Variants in ZNF566 observed in about 807,000 individuals in gnomAD.
The protein encoded by ZNF566 is zinc finger protein 566.
A neutral mutation model predicts 32.8 loss-of-function variants in ZNF566; 27 were observed. That is an observed-to-expected ratio of 0.82 (90% CI 0.61 to 1.14). The LOEUF (loss-of-function observed/expected upper bound fraction) is 1.14, where lower values mean the gene tolerates loss of function less well. Ranked by LOEUF, ZNF566 falls within the 50% of genes most tolerant of loss-of-function variation. The pLI, the probability that ZNF566 is intolerant of heterozygous loss-of-function variation, is 0.00. For synonymous variants in ZNF566, 154 were observed against 159.5 expected, an observed-to-expected ratio of 0.97 and a Z score of 0.26; for missense variants, 402 against 490.4, an observed-to-expected ratio of 0.82 and a Z score of 1.70.
rs371684071 is a variant in ZNF566 at position 36,453,505 on chromosome 19, AAATT to A, written c.233-3508_233-3505del. On this transcript the variant is annotated intron_variant, in intron 4 of 4. Coordinates refer to ENST00000452939, the MANE Select transcript of ZNF566 (RefSeq NM_001145344.1). ...TAAATAAATAAATAAATAAATAAATAAATTAATTAATTAAAATAAAATAAAAATA... is the reference window on the plus strand; with the variant it reads ...TAAATAAATAAATAAATAAATAAATAAATTAATTAAAATAAAATAAAAATA... 2.4e-3 allele frequency among the ~76,000 whole-genome samples: 243 copies of A among 99,792 alleles called. 1 individual carries two copies. The highest frequency in any genetic ancestry group is 0.012 in the East Asian group (47 of 3,950). 65.5% of individuals were successfully genotyped at this position (99,792 alleles called of 152,430 possible). A position where few individuals can be genotyped will look rare whatever the true frequency, so the allele number is the denominator to read the frequency against.
At chr19:36,472,501 T>A (rs2033788789) in intron 4 of ZNF566, among the ~76,000 whole-genome samples, 1 of 152,168 alleles carries the variant, frequency 6.6e-6, no homozygotes. Flanking sequence ...AATGAATCAA[T>A]GAGGGCATAA....
intron 1 of ZNF566, 57 bp downstream of exon 1, chr19:36,489,429 A>G: frequency 3.3e-6 from 1 of 300,930 alleles, no homozygotes; most frequent in South Asian, 2.9e-5. Context: ...CGCCGCACAA[A>G]GCCGAGGCTT....
At chr19:36,470,016 C>G (rs1413702240) in intron 4 of ZNF566, among the ~76,000 whole-genome samples, 4 of 152,158 alleles carry the variant, frequency 2.6e-5, no homozygotes, top group Admixed American at 2.6e-4. Context: ...ACTTTTCTTC[C>G]TGAGTTCCTG....
chr19:36,457,634 G>A (rs1479364294), intron 4 of ZNF566, among the ~76,000 whole-genome samples: 2 of 152,184 alleles, frequency 1.3e-5, no homozygotes, highest in Admixed American at 6.5e-5. Flanking sequence ...GCTCAGGCCT[G>A]TAATCCCAGC....
At chr19:36,455,943 GC>G (rs1341190167) in intron 4 of ZNF566, among the ~76,000 whole-genome samples, 1 of 151,520 alleles carries the variant, frequency 6.6e-6, no homozygotes, top group Admixed American at 6.6e-5. Context: ...GGAGACTGAG[GC>G]AGGAGAATGG....
At chr19:36,459,608 T>G (rs2033408320) in intron 4 of ZNF566, among the ~76,000 whole-genome samples, 1 of 151,712 alleles carries the variant, frequency 6.6e-6, no homozygotes, top group African/African-American at 2.4e-5. Context: ...CCTTCCAGGT[T>G]CAAGCGATTC....
chr19:36,449,616 C>A lies in ZNF566; in HGVS notation c.618G>T (p.Lys206Asn), dbSNP rs201489745. ...TGAGTCTTGAGGGATGTCTAAAGGA[C>A]TTTCCACATTCCTTACATTCATAAG... ...EKPYECKECG[K>N]SFRHPSRLTH... is the part of the protein sequence containing the mutation. Residue 206 changes from lysine (K) to asparagine (N), a missense_variant, in exon 5 of 5, where the codon AAG becomes AAT. Transcript: ENST00000452939. 80 of 1,614,078 alleles carry A rather than the reference C, an allele frequency of 5.0e-5. No individual in the cohort carries two copies. The highest frequency in any genetic ancestry group is 5.9e-6 in the Non-Finnish European group (7 of 1,180,002).
At chr19:36,463,030 T>C (rs2033517029) in intron 4 of ZNF566, among the ~76,000 whole-genome samples, 1 of 146,534 alleles carries the variant, frequency 6.8e-6, no homozygotes, top group Admixed American at 6.8e-5. Context: ...GGAAGGCTTA[T>C]CTTGGGCCAG....
At chr19:36,482,111 A>T (rs1448515434) in intron 1 of ZNF566, among the ~76,000 whole-genome samples, 1 of 152,160 alleles carries the variant, frequency 6.6e-6, no homozygotes, top group Admixed American at 6.5e-5. Context: ...TTATTTATTT[A>T]TTTATTTATT....
At chr19:36,457,853 T>A (rs1260720639) in intron 4 of ZNF566, among the ~76,000 whole-genome samples, 1 of 152,130 alleles carries the variant, frequency 6.6e-6, no homozygotes, top group Non-Finnish European at 1.5e-5. Flanking sequence ...ATTGCACCAC[T>A]GCACTCCAGC....
At chr19:36,475,203 G>A (rs1897087754) in intron 2 of ZNF566, among the ~76,000 whole-genome samples, 1 of 152,086 alleles carries the variant, frequency 6.6e-6, no homozygotes, top group Admixed American at 6.6e-5. Flanking sequence ...GCACCAACAT[G>A]CCTGGCTAAT....
At chr19:36,454,664 A>T (rs1167177941) in intron 4 of ZNF566, among the ~76,000 whole-genome samples, 1 of 152,230 alleles carries the variant, frequency 6.6e-6, no homozygotes. Flanking sequence ...TAGAAACAAA[A>T]CTACCAAACC....
At chr19:36,478,182 A>G (rs1343774668) in intron 1 of ZNF566, among the ~76,000 whole-genome samples, 1 of 152,070 alleles carries the variant, frequency 6.6e-6, no homozygotes, top group Non-Finnish European at 1.5e-5. Context: ...GATGAATACC[A>G]AAGGAATACA....
chr19:36,483,033 T>C (rs561756558), intron 1 of ZNF566, among the ~76,000 whole-genome samples: 1 of 152,292 alleles, frequency 6.6e-6, no homozygotes, highest in African/African-American at 2.4e-5. Flanking sequence ...ATCAGTACCA[T>C]GAGAATGTAG....
chr19:36,488,717 G>C (rs967691510), intron 1 of ZNF566, among the ~76,000 whole-genome samples: 2 of 152,142 alleles, frequency 1.3e-5, no homozygotes, highest in African/African-American at 4.8e-5. Flanking sequence ...TGAATTAACC[G>C]CGATTTTATC....
chr19:36,473,737 C>T (rs1476329384), intron 2 of ZNF566, among the ~76,000 whole-genome samples: 1 of 152,038 alleles, frequency 6.6e-6, no homozygotes, highest in East Asian at 1.9e-4. Flanking sequence ...AGGGCTTTTC[C>T]AATTAAATGA....
chr19:36,450,044 T>C, intron 4 of ZNF566, 43 bp from the exon 5 acceptor site: 1 of 1,517,108 alleles, frequency 6.6e-7, no homozygotes, highest in East Asian at 2.3e-5. Flanking sequence ...TTTTCTTGTT[T>C]GGGAGAAACA....
rs371420812 is a variant in ZNF566 at position 36,449,419 on chromosome 19, C to T, written c.815G>A (p.Arg272Gln). 1.9e-6 allele frequency: 3 copies of T among 1,613,892 alleles called. No individual in the cohort carries two copies. The highest frequency in any genetic ancestry group is 1.1e-5 in the South Asian group (1 of 91,074). Residue 272 changes from arginine to glutamine, a missense_variant, in exon 5 of 5, where the codon CGA (arginine) becomes CAA (glutamine). Coordinates refer to ENST00000452939, the MANE Select transcript of ZNF566 (RefSeq NM_001145344.1). ...CTCACCTGTGTGAATTCTCTGATGT[C>T]GAGTGAAGTTTGAACCACTACTAAA... ...KAFSSGSNFT[R>Q]HQRIHTGEKP...
intron 2 of ZNF566, among the ~76,000 whole-genome samples, chr19:36,474,863 G>A (rs2033847046): frequency 6.6e-6 from 1 of 152,012 alleles, no homozygotes; most frequent in Non-Finnish European, 1.5e-5. Flanking sequence ...CTATTATAAG[G>A]CTATAAATGA....
Sources: allele counts gnomAD v4.1 joint callset (sites outside exome capture counted in the v4.1 genomes callset), GRCh38; gene constraint gnomAD v4.1.1; transcripts MANE v1.5; gene names NCBI Gene and HGNC (gene_info 2026-07-23, HGNC 2026-07-21).